The following CAST variants were observed in gnomAD, a reference collection of about 807,000 sequenced individuals.
The protein encoded by CAST is MIR583 host.
Under a neutral mutation model 119.6 loss-of-function variants are expected in CAST, and 76 were observed. That is an observed-to-expected ratio of 0.64 (90% CI 0.53 to 0.77). The LOEUF (loss-of-function observed/expected upper bound fraction) is 0.77. Ranked by LOEUF, CAST falls within the 30% of genes least tolerant of loss-of-function variation. The pLI is 0.00. For synonymous variants in CAST, 319 were observed against 331.6 expected (o/e 0.96, Z 0.41); for missense variants, 953 against 946.5 (o/e 1.01, Z -0.09).
the CAST span, among the ~76,000 whole-genome samples, chr5:96,459,406 C>A: frequency 6.6e-6 from 1 of 152,046 alleles, no homozygotes; most frequent in African/African-American, 2.4e-5. Flanking sequence ...GGTAAAGTCC[C>A]TGTCAAAATG....
chr5:96,754,207 C>T (rs1371163370), intron 21 of CAST, 46 bp downstream of exon 21: 3 of 1,071,400 alleles, frequency 2.8e-6, no homozygotes, highest in Non-Finnish European at 4.4e-6. Context: ...TCATTGATCA[C>T]CTTCTCCCCC....
chr5:96,491,644 A>G, the CAST span, among the ~76,000 whole-genome samples: 2 of 152,130 alleles, frequency 1.3e-5, no homozygotes, highest in Non-Finnish European at 2.9e-5. Context: ...TATTCCTGTG[A>G]CACAGTAATT....
At chr5:96,272,163 A>G in the CAST span, among the ~76,000 whole-genome samples, 1 of 152,152 alleles carries the variant, frequency 6.6e-6, no homozygotes, top group African/African-American at 2.4e-5. Context: ...GTTGGTGGGA[A>G]TGTGAATTAG....
Position 96,647,343 on chromosome 5 carries a change from G to T in CAST, c.61-28196G>T, listed in dbSNP as rs890888515. On this transcript the variant is annotated intron_variant, in intron 1 of 11. Coordinates refer to the CAST transcript ENST00000505143. Reference sequence around the variant, plus strand: ...AAATTAACACCTAGTACAGTTCTGTGGTAAAAATAGCCTTGTTGCAAGGAA... The same window carrying T: ...AAATTAACACCTAGTACAGTTCTGTTGTAAAAATAGCCTTGTTGCAAGGAA... Among the ~76,000 whole-genome samples the T allele has an allele frequency of 2.0e-5, 3 of 152,048 alleles. No homozygotes were observed. The East Asian group carries it at 5.8e-4, about 29-fold the overall frequency.
At chr5:96,558,170 A>G (rs1746281669) in intron 1 of CAST, among the ~76,000 whole-genome samples, 1 of 152,226 alleles carries the variant, frequency 6.6e-6, no homozygotes, top group Non-Finnish European at 1.5e-5. Flanking sequence ...GAATAAAGAC[A>G]CAACATATCA....
chr5:96,023,560 A>G, the CAST span, among the ~76,000 whole-genome samples: 2 of 152,192 alleles, frequency 1.3e-5, no homozygotes, highest in African/African-American at 2.4e-5. Flanking sequence ...TCTCTGAAAC[A>G]TTGTTTTCTT....
chr5:96,609,091 G>A, intron 1 of CAST, among the ~76,000 whole-genome samples: 1 of 152,172 alleles, frequency 6.6e-6, no homozygotes, highest in East Asian at 1.9e-4. Context: ...GCCTCAGACA[G>A]ACATCACCCT....
the CAST span, among the ~76,000 whole-genome samples, chr5:96,275,948 C>T: frequency 2.4e-4 from 36 of 152,330 alleles, no homozygotes; most frequent in African/African-American, 7.9e-4. Context: ...GCTCTTCCTT[C>T]ACTTTACATC....
chr5:96,015,645 C>G, the CAST span, among the ~76,000 whole-genome samples: 10 of 152,122 alleles, frequency 6.6e-5, no homozygotes, highest in South Asian at 2.1e-3. Flanking sequence ...TGAGGATGAA[C>G]AGGGTAATGA....
chr5:96,049,904 AAAAAAAAAAAAAAG>A, the CAST span, among the ~76,000 whole-genome samples: 62 of 149,208 alleles, frequency 4.2e-4, no homozygotes, highest in Middle Eastern at 6.9e-3. Context: ...AAAAAAAAAA[AAAAAAAAAAAAAAG>A]AAAAAGAAAA....
At chr5:96,648,636 G>A (rs919494934) in intron 1 of CAST, among the ~76,000 whole-genome samples, 2 of 152,186 alleles carry the variant, frequency 1.3e-5, no homozygotes, top group Non-Finnish European at 2.9e-5. Context: ...AATAACAAAC[G>A]TAATAGTTAC....
At chr5:96,130,181 T>C in the CAST span, among the ~76,000 whole-genome samples, 2 of 151,918 alleles carry the variant, frequency 1.3e-5, no homozygotes, top group African/African-American at 4.8e-5. Context: ...TCACCAACAA[T>C]GCTAAGTCAT....
At chr5:96,248,739 A>G in the CAST span, among the ~76,000 whole-genome samples, 1 of 152,268 alleles carries the variant, frequency 6.6e-6, no homozygotes, top group Non-Finnish European at 1.5e-5. Context: ...ATAATGTGCC[A>G]ACTTTTACAT....
chr5:96,008,982 G>A, the CAST span, among the ~76,000 whole-genome samples: 1 of 152,092 alleles, frequency 6.6e-6, no homozygotes, highest in East Asian at 1.9e-4. Context: ...GCCTCTATCA[G>A]TCGACAGTGT....
the CAST span, among the ~76,000 whole-genome samples, chr5:96,090,156 C>T: frequency 6.6e-6 from 1 of 152,158 alleles, no homozygotes; most frequent in East Asian, 1.9e-4. Context: ...AGCTAATTCC[C>T]TTCCCCTTGC....
intron 1 of CAST, among the ~76,000 whole-genome samples, chr5:96,648,992 G>C (rs1177409052): frequency 1.3e-5 from 2 of 152,178 alleles, no homozygotes; most frequent in Non-Finnish European, 2.9e-5. Flanking sequence ...ACAGTCTGTA[G>C]CTCTGTCGAT....
chr5:96,519,660 G>T, the CAST span, among the ~76,000 whole-genome samples: 2 of 152,158 alleles, frequency 1.3e-5, no homozygotes, highest in South Asian at 2.1e-4. Context: ...AGGCTGGAGT[G>T]CAGTGGCATG....
chr5:96,624,713 G>C (rs1747687192), intron 1 of CAST, among the ~76,000 whole-genome samples: 1 of 152,114 alleles, frequency 6.6e-6, no homozygotes, highest in South Asian at 2.1e-4. Context: ...GTATCTCTTT[G>C]CCAATTTTTC....
At chr5:96,155,453 A>C in the CAST span, among the ~76,000 whole-genome samples, 1 of 152,236 alleles carries the variant, frequency 6.6e-6, no homozygotes, top group Non-Finnish European at 1.5e-5. Context: ...AGTTGAGTAT[A>C]CATTTTAAAA....
Sources: gnomAD v4.1 joint callset for allele counts (sites outside exome capture counted in the v4.1 genomes callset) on GRCh38, gnomAD v4.1.1 for gene constraint, MANE v1.5 for transcripts, NCBI Gene and HGNC (gene_info 2026-07-23, HGNC 2026-07-21) for gene names.